The following AMMECR1 variants were observed in gnomAD, a reference collection of about 807,000 sequenced individuals.
The protein encoded by AMMECR1 is AMMECR nuclear protein 1.
AMMECR1 carries 3 observed loss-of-function variants against 22.5 expected under a neutral mutation model. The ratio of observed to expected loss-of-function variants is 0.13; its 90% CI spans 0.06 to 0.35. The LOEUF (loss-of-function observed/expected upper bound fraction) is 0.35, where lower values mean the gene tolerates loss of function less well. AMMECR1 is among the 10% of genes least tolerant of loss of function. The probability of loss-of-function intolerance (pLI) is 1.00; values close to 1 mark genes in which losing one functional copy is unlikely to be tolerated. For missense variants in AMMECR1, 235 were observed against 278.7 expected (o/e 0.84, Z 1.12); for synonymous variants, 130 against 116.7 (o/e 1.11, Z -0.74).
At chrX:110,434,606 C>T (rs1421799311) in intron 1 of AMMECR1, among the ~76,000 whole-genome samples, 1 of 111,643 alleles carries the variant, frequency 9.0e-6, no homozygotes, top group African/African-American at 3.3e-5. Context: ...GTGATACTGT[C>T]AACTGAGGCA....
chrX:110,207,704 TG>T (rs1345549851), intron 3 of AMMECR1, among the ~76,000 whole-genome samples: 1 of 112,331 alleles, frequency 8.9e-6, no homozygotes, highest in Non-Finnish European at 1.9e-5. Context: ...CTGGCCAAAT[TG>T]TAAATTTTTA....
chrX:110,317,566 A>C lies in AMMECR1; in HGVS notation c.473+33T>G, dbSNP rs775177210. The C allele has an allele frequency of 6.2e-6, 7 of 1,134,161 alleles. No homozygotes were observed. In the South Asian group the frequency reaches 1.3e-4, roughly 21 times the overall value. 93.5% of individuals were successfully genotyped at this position (1,134,161 alleles called of 1,213,427 possible). A position where few individuals can be genotyped will look rare whatever the true frequency, so the allele number is the denominator to read the frequency against. ...CAACTCTGAGCCCCATCCCGAGCGC[A>C]AGGGAGAGGGCGGCGGAGGGCACGG... On this transcript the variant is annotated intron_variant, in intron 1 of 5. Coordinates refer to ENST00000262844, the MANE Select transcript of AMMECR1 (RefSeq NM_015365.3).
chrX:110,223,529 A>C (rs1465202443), intron 2 of AMMECR1, among the ~76,000 whole-genome samples: 1 of 112,088 alleles, frequency 8.9e-6, no homozygotes, highest in African/African-American at 3.2e-5. Flanking sequence ...ATGTGAAGAT[A>C]TGAGATTGTC....
In AMMECR1 at chrX:110,317,787, G is replaced by C; in HGVS notation, c.285C>G (p.Thr95=). 4 of 1,172,545 alleles carry C rather than the reference G, an allele frequency of 3.4e-6. No individual in the cohort carries two copies. The highest frequency in any genetic ancestry group is 4.6e-6 in the Non-Finnish European group (4 of 875,562). Residue 95 remains threonine (T), a synonymous_variant, in exon 1 of 6, where the codon ACC becomes ACG. Transcript: ENST00000262844. ...TGGCGGCGGCCGGGGTAGAAAGTAG[G>C]GTCCCCACTCCGCAGCTCGGAGGTG... ...LSPPPSCGVG[T]LLSTPAAATS...
chrX:110,424,669 A>G (rs1482721651), intron 2 of AMMECR1, among the ~76,000 whole-genome samples: 3 of 112,054 alleles, frequency 2.7e-5, no homozygotes, highest in African/African-American at 9.8e-5. Flanking sequence ...GAATTTATTA[A>G]ATCTACCTCA....
At chrX:110,433,606 C>G (rs988913434) in intron 1 of AMMECR1, among the ~76,000 whole-genome samples, 2 of 111,740 alleles carry the variant, frequency 1.8e-5, no homozygotes, top group African/African-American at 6.5e-5. Context: ...AATATATACA[C>G]CCAAACACAT....
chrX:110,266,530 G>T (rs2067769695), intron 1 of AMMECR1, among the ~76,000 whole-genome samples: 1 of 109,941 alleles, frequency 9.1e-6, no homozygotes, highest in Non-Finnish European at 1.9e-5. Context: ...TTACAGGTAT[G>T]CACCACCATG....
chrX:110,269,468 C>A (rs1286300168), intron 1 of AMMECR1, among the ~76,000 whole-genome samples: 1 of 103,930 alleles, frequency 9.6e-6, no homozygotes, highest in Admixed American at 1.1e-4. Context: ...CAATCTCTAC[C>A]AATGCAATAA....
chrX:110,222,605 A>G (rs1375718241), intron 2 of AMMECR1, among the ~76,000 whole-genome samples: 7 of 108,066 alleles, frequency 6.5e-5, no homozygotes, highest in Middle Eastern at 4.7e-3. Context: ...AAAAAAAACC[A>G]TATTATCCAA....
intron 2 of AMMECR1, among the ~76,000 whole-genome samples, chrX:110,350,346 C>T (rs1008252252): frequency 1.8e-5 from 2 of 111,720 alleles, no homozygotes; most frequent in Non-Finnish European, 3.8e-5. Context: ...TAACATCATA[C>T]TTAATGGTGA....
In AMMECR1 at chrX:110,415,132, T is replaced by G. The variant is rs182778270; in HGVS notation, c.-148+11526A>C. Among the ~76,000 whole-genome samples the G allele has an allele frequency of 9.8e-5, 11 of 112,323 alleles. No individual in the cohort carries two copies. In the East Asian group the frequency reaches 2.5e-3, roughly 26 times the overall value. On this transcript the variant is annotated intron_variant, in intron 2 of 7. Transcript: ENST00000372057. The stretch of plus-strand genomic sequence containing the variant: ...GGAAGCATCTTGAGAACTGGGATTG[T>G]GCCTTAGTCATCTCTGTACTCCCCA...
At chrX:110,267,553 G>A (rs924028095) in intron 1 of AMMECR1, among the ~76,000 whole-genome samples, 3 of 111,503 alleles carry the variant, frequency 2.7e-5, no homozygotes, top group Non-Finnish European at 5.7e-5. Context: ...AGAATGAAGT[G>A]AATCACAATG....
upstream of AMMECR1, chrX:110,318,308 G>C (rs934118187): frequency 3.5e-5 from 4 of 113,340 alleles, no homozygotes; most frequent in Non-Finnish European, 5.5e-5. Context: ...CCCGACTCGT[G>C]CCTCTTCTGA....
At chrX:110,226,564 G>A (rs1398527989) in intron 2 of AMMECR1, among the ~76,000 whole-genome samples, 5 of 111,038 alleles carry the variant, frequency 4.5e-5, no homozygotes, top group African/African-American at 1.3e-4. Context: ...TTGAGATTGC[G>A]CCACTGCACT....
Position 110,415,416 on chromosome X carries a change from T to C in AMMECR1, c.-148+11242A>G, listed in dbSNP as rs146430271. On this transcript the variant is annotated intron_variant, in intron 2 of 7. Transcript: ENST00000372057. ...AGAGTTGTGTTAGAGTGGTGAGTGATGGATGCTTTTTTCCCCATTTTCAAA... is the reference window on the plus strand; with the variant it reads ...AGAGTTGTGTTAGAGTGGTGAGTGACGGATGCTTTTTTCCCCATTTTCAAA... Among the ~76,000 whole-genome samples the C allele has an allele frequency of 2.3e-3, 255 of 112,024 alleles. 3 individuals carry two copies. The highest frequency in any genetic ancestry group is 7.9e-3 in the African/African-American group (242 of 30,821).
intron 1 of AMMECR1, among the ~76,000 whole-genome samples, chrX:110,269,532 G>C (rs945267423): frequency 9.3e-6 from 1 of 108,020 alleles, no homozygotes; most frequent in African/African-American, 3.4e-5. Context: ...TATATTGGGG[G>C]GGGGGATACA....
At chrX:110,343,075 C>T (rs1196930066) in intron 2 of AMMECR1, among the ~76,000 whole-genome samples, 1 of 111,851 alleles carries the variant, frequency 8.9e-6, no homozygotes, top group African/African-American at 3.3e-5. Flanking sequence ...CTGATGAACA[C>T]TGATGCAAAA....
At chrX:110,206,136 C>T (rs1450420009) in intron 3 of AMMECR1, among the ~76,000 whole-genome samples, 1 of 112,134 alleles carries the variant, frequency 8.9e-6, no homozygotes, top group Non-Finnish European at 1.9e-5. Flanking sequence ...TCTTTCGTCT[C>T]TTGTCCATTT....
chrX:110,425,276 G>A (rs952248110), intron 2 of AMMECR1, among the ~76,000 whole-genome samples: 2 of 112,387 alleles, frequency 1.8e-5, no homozygotes, highest in African/African-American at 6.5e-5. Flanking sequence ...AATGATGGGG[G>A]TGTGGCAGGG....
Sources: gnomAD v4.1 joint callset for allele counts (sites outside exome capture counted in the v4.1 genomes callset) on GRCh38, gnomAD v4.1.1 for gene constraint, MANE v1.5 for transcripts, NCBI Gene and HGNC (gene_info 2026-07-23, HGNC 2026-07-21) for gene names.